The following ZC3H12D variants were observed in gnomAD, a reference collection of about 807,000 sequenced individuals.
ZC3H12D encodes the protein probable ribonuclease ZC3H12D.
A neutral mutation model predicts 24.2 loss-of-function variants in ZC3H12D; 11 were observed. That is an observed-to-expected ratio of 0.46 (90% CI 0.29 to 0.75). The LOEUF (loss-of-function observed/expected upper bound fraction) is 0.75, where lower values mean the gene tolerates loss of function less well. ZC3H12D is among the 30% of genes least tolerant of loss of function. ZC3H12D has a pLI of 0.11. For missense variants in ZC3H12D, 740 were observed against 767.7 expected (o/e 0.96, Z 0.43); for synonymous variants, 333 against 341.8 (o/e 0.97, Z 0.28).
intron 3 of ZC3H12D, among the ~76,000 whole-genome samples, chr6:149,461,460 T>C (rs1337933590): frequency 6.6e-6 from 1 of 152,230 alleles, no homozygotes; most frequent in Non-Finnish European, 1.5e-5. Context: ...AAATGTCTCT[T>C]TCAAATCCTA....
chr6:149,476,928 A>G (rs1280418409), intron 1 of ZC3H12D, among the ~76,000 whole-genome samples: 1 of 152,248 alleles, frequency 6.6e-6, no homozygotes, highest in East Asian at 1.9e-4. Flanking sequence ...CTGAATCTCA[A>G]CGTACATGTG....
intron 2 of ZC3H12D, among the ~76,000 whole-genome samples, chr6:149,463,111 C>T (rs1231336512): frequency 6.6e-6 from 1 of 152,244 alleles, no homozygotes; most frequent in Admixed American, 6.5e-5. Flanking sequence ...AAGACCCTCT[C>T]TTTAACTGAA....
At chr6:149,472,505 T>C (rs1372110831) in intron 2 of ZC3H12D, among the ~76,000 whole-genome samples, 2 of 146,046 alleles carry the variant, frequency 1.4e-5, no homozygotes, top group Admixed American at 7.0e-5. Flanking sequence ...CCCGCACAGA[T>C]TGAACATGAG....
chr6:149,467,957 G>C (rs562525430), intron 2 of ZC3H12D, among the ~76,000 whole-genome samples: 51 of 152,264 alleles, frequency 3.3e-4, no homozygotes, highest in Middle Eastern at 3.4e-3. Flanking sequence ...GGGAAAAGGA[G>C]ACAGGAGCTG....
chr6:149,480,328 A>G (rs1046934309), intron 1 of ZC3H12D, among the ~76,000 whole-genome samples: 1 of 152,380 alleles, frequency 6.6e-6, no homozygotes, highest in South Asian at 2.1e-4. Context: ...AAAAAACAAA[A>G]TCATGTCCTT....
intron 5 of ZC3H12D, 44 bp from the exon 6 acceptor site, chr6:149,451,523 G>A (rs748103191): frequency 3.0e-5 from 44 of 1,478,666 alleles, no homozygotes; most frequent in East Asian, 1.9e-4. Flanking sequence ...GAGGCCCGGG[G>A]GCGCGGAGGG....
At position 149,474,291 on chromosome 6, in the gene ZC3H12D, G is replaced by A. The variant is rs750772134; in HGVS notation, c.253C>T (p.Leu85=). 6.8e-5 allele frequency: 106 copies of A among 1,557,772 alleles called. 2 individuals carry two copies. The South Asian group carries it at 1.2e-3, about 17-fold the overall frequency. ...GTALEEDFRT[L]ASSLRPIVID... is the part of the protein sequence containing the mutation. ...ACTATGGGTCGCAGAGAACTGGCCA[G>A]GGTTCTGAAGTCCTCTTCCAGGGCT... The change falls in exon 2 of 6, where the codon CTG becomes TTG. Residue 85 remains leucine, a synonymous_variant. Coordinates refer to ENST00000409806, the MANE Select transcript of ZC3H12D (RefSeq NM_207360.3).
At chr6:149,477,597 C>T (rs1324188313) in intron 1 of ZC3H12D, among the ~76,000 whole-genome samples, 1 of 152,196 alleles carries the variant, frequency 6.6e-6, no homozygotes, top group Non-Finnish European at 1.5e-5. Flanking sequence ...CCAGCTCTTT[C>T]CCCTCTCCTT....
chr6:149,472,480 G>T (rs1776261116), intron 2 of ZC3H12D, among the ~76,000 whole-genome samples: 1 of 150,632 alleles, frequency 6.6e-6, no homozygotes, highest in Admixed American at 6.7e-5. Flanking sequence ...TCTGAGTAAG[G>T]GTTTCGATGT....
intron 5 of ZC3H12D, among the ~76,000 whole-genome samples, chr6:149,451,682 A>C (rs1775899607): frequency 1.3e-5 from 2 of 152,024 alleles, no homozygotes; most frequent in African/African-American, 4.8e-5. Flanking sequence ...GGTGGGGAGA[A>C]GTGCCCGGGA....
At chr6:149,463,628 G>C (rs868778537) in intron 2 of ZC3H12D, among the ~76,000 whole-genome samples, 1 of 152,216 alleles carries the variant, frequency 6.6e-6, no homozygotes, top group East Asian at 1.9e-4. Context: ...AGAATTGCTC[G>C]AACCTGGGAG....
At chr6:149,482,612 C>T (rs1264092472) in intron 1 of ZC3H12D, among the ~76,000 whole-genome samples, 1 of 152,176 alleles carries the variant, frequency 6.6e-6, no homozygotes, top group African/African-American at 2.4e-5. Context: ...CAGATCTGTC[C>T]ATTCTAGAAT....
chr6:149,482,568 G>T (rs888844168), intron 1 of ZC3H12D, among the ~76,000 whole-genome samples: 1 of 152,180 alleles, frequency 6.6e-6, no homozygotes, highest in Non-Finnish European at 1.5e-5. Context: ...GAAGAGCAGG[G>T]AGGAAGGGAG....
chr6:149,449,691 A>C lies in ZC3H12D; in HGVS notation c.*992T>G, dbSNP rs1306358808. ...TGACCTCAAGTGATCTGCCTGCCTCAGCCTTCCAAAGTGCTGGGATTACAG... is the reference window on the plus strand; with the variant it reads ...TGACCTCAAGTGATCTGCCTGCCTCCGCCTTCCAAAGTGCTGGGATTACAG... On this transcript the variant is annotated 3_prime_UTR_variant, in exon 6 of 6. Coordinates refer to ENST00000409806, the MANE Select transcript of ZC3H12D (RefSeq NM_207360.3). 1.3e-5 allele frequency: 2 copies of C among 152,078 alleles called. No homozygotes were observed. The highest frequency in any genetic ancestry group is 4.8e-5 in the African/African-American group (2 of 41,408). The allele number at this position is 152,078 out of a possible 1,614,324, so 9.4% of individuals were successfully genotyped here.
intron 2 of ZC3H12D, among the ~76,000 whole-genome samples, chr6:149,469,407 G>A (rs759389222): frequency 2.6e-5 from 4 of 151,900 alleles, no homozygotes; most frequent in Non-Finnish European, 4.4e-5. Flanking sequence ...GCAGTGAGCC[G>A]AGATGGCGCC....
intron 2 of ZC3H12D, among the ~76,000 whole-genome samples, chr6:149,471,990 A>G (rs915542135): frequency 6.6e-6 from 1 of 152,232 alleles, no homozygotes; most frequent in Admixed American, 6.5e-5. Flanking sequence ...TTCAGAAACC[A>G]TGTTTCTGAG....
intron 5 of ZC3H12D, among the ~76,000 whole-genome samples, chr6:149,451,951 G>C (rs1775905704): frequency 6.6e-6 from 1 of 152,232 alleles, no homozygotes; most frequent in African/African-American, 2.4e-5. Flanking sequence ...CTGTGCTAAC[G>C]CTTGCCCTCA....
intron 1 of ZC3H12D, among the ~76,000 whole-genome samples, chr6:149,480,763 A>C (rs188153746): frequency 2.0e-5 from 3 of 152,112 alleles, no homozygotes; most frequent in Non-Finnish European, 4.4e-5. Flanking sequence ...ACAAACAAAA[A>C]ACAGGTGAGG....
Position 149,451,141 on chromosome 6 carries a change from G to T in ZC3H12D, c.1126C>A (p.Pro376Thr). ...CGGCCGCCCGCGGACACCCAGTCGG[G>T]CCCGCCCAGTCGGGGCGTGAGGCTG... ...ACSLTPRLGG[P>T]DWVSAGGRVP... Residue 376 changes from proline (P) to threonine (T), a missense_variant, in exon 6 of 6, where the codon CCC becomes ACC. Pro to Thr is a conservative substitution (Grantham distance 38, BLOSUM62 -1). Transcript: ENST00000409806. 3 of 1,340,558 alleles carry T rather than the reference G, an allele frequency of 2.2e-6. No homozygotes were observed. The highest frequency in any genetic ancestry group is 1.9e-6 in the Non-Finnish European group (2 of 1,051,750). The allele number at this position is 1,340,558 out of a possible 1,614,324, so 83.0% of individuals were successfully genotyped here. A position where few individuals can be genotyped will look rare whatever the true frequency, so the allele number is the denominator to read the frequency against.
Sources: gnomAD v4.1 joint callset for allele counts (sites outside exome capture counted in the v4.1 genomes callset) on GRCh38, gnomAD v4.1.1 for gene constraint, MANE v1.5 for transcripts, NCBI Gene and HGNC (gene_info 2026-07-23, HGNC 2026-07-21) for gene names.